The following ADGRV1 variants were observed in gnomAD, a reference collection of about 807,000 sequenced individuals.
The protein encoded by ADGRV1 is adhesion G protein-coupled receptor V1, also known as G-protein coupled receptor 98.
In ADGRV1, 359 loss-of-function variants were observed where a neutral mutation model predicts 596.2. The ratio of observed to expected loss-of-function variants is 0.60; its 90% confidence interval spans 0.55 to 0.66. The LOEUF (loss-of-function observed/expected upper bound fraction) is 0.66. Ranked by LOEUF, ADGRV1 falls within the 30% of genes least tolerant of loss-of-function variation. The pLI, the probability that ADGRV1 is intolerant of heterozygous loss-of-function variation, is 0.00. For missense variants in ADGRV1, 7,274 were observed against 7,575.6 expected (o/e 0.96, Z 1.48); for synonymous variants, 2,681 against 2,679.2 (o/e 1.00, Z -0.02).
At position 90,668,406 on chromosome 5, in the gene ADGRV1, G is replaced by A. The variant is rs532890367; in HGVS notation, c.4753-4140G>A. Reference sequence around the variant, plus strand: ...CGTCCGTCACCCCTTTCTTTGACTAGGAAAGGGAACTCCCTGACCCCTTGC... The same window carrying A: ...CGTCCGTCACCCCTTTCTTTGACTAAGAAAGGGAACTCCCTGACCCCTTGC... On this transcript the variant is annotated intron_variant, in intron 21 of 89. Transcript: ENST00000405460. Among the ~76,000 whole-genome samples the A allele has an allele frequency of 4.4e-4, 67 of 152,252 alleles. 1 individual carries two copies. The East Asian group carries it at 6.6e-3, about 15-fold the overall frequency.
rs140974208 is a variant in ADGRV1 at position 91,124,084 on chromosome 5, G to A, written c.18432+21744G>A. 7.1e-3 allele frequency among the ~76,000 whole-genome samples: 1,075 copies of A among 152,256 alleles called. 15 individuals are homozygous for A. The highest frequency in any genetic ancestry group is 0.025 in the African/African-American group (1,036 of 41,558). On this transcript the variant is annotated intron_variant, in intron 87 of 89. Transcript: ENST00000405460. ...AGCACGGGTAGAAGGAAGCCAGGGA[G>A]AGTCTCAGTGTCCGTCTTCAGTTGC... is the stretch of plus-strand genomic sequence containing the variant.
At position 91,090,273 on chromosome 5, in the gene ADGRV1, C is replaced by T. The variant is rs953461106; in HGVS notation, c.18311-11946C>T. Among the ~76,000 whole-genome samples the T allele has an allele frequency of 2.0e-5, 3 of 152,124 alleles. No homozygotes were observed. The South Asian group carries it at 6.2e-4, about 32-fold the overall frequency. On this transcript the variant is annotated intron_variant, in intron 86 of 89. Transcript: ENST00000405460. ...AGTACATGGTTCAAATAGAATTACT[C>T]TAATAATAGTTTTTGCGAGGTCTGT...
At position 90,736,157 on chromosome 5, in the gene ADGRV1, C is replaced by T. The variant is rs550472147; in HGVS notation, c.10549+6393C>T. Among the ~76,000 whole-genome samples, 5 of 152,036 alleles carry T rather than the reference C, an allele frequency of 3.3e-5. 1 individual carries two copies. The East Asian group carries it at 7.7e-4, about 23-fold the overall frequency. On this transcript the variant is annotated intron_variant, in intron 50 of 89. Transcript: ENST00000405460. ...TGTACTGAAGTACATTTCCTCTATA[C>T]CTATTATTTTGAGAGCTTTTATCAT...
rs1309381633 is a variant in ADGRV1, at chr5:90,745,218, T to C, written c.10722T>C (p.His3574=). The C allele has an allele frequency of 6.2e-7, 1 of 1,610,690 alleles. No individual in the cohort carries two copies. The highest frequency in any genetic ancestry group is 1.3e-5 in the African/African-American group (1 of 74,902). ...NLIALVGAHS[H]IYELAYISSH... Reference sequence around the variant, plus strand: ...TAGCTCTAGTGGGAGCTCATTCACATATATATGAGCTAGCCTACATTTCCA... The same window carrying C: ...TAGCTCTAGTGGGAGCTCATTCACACATATATGAGCTAGCCTACATTTCCA... Residue 3574 remains histidine, a synonymous_variant, in exon 51 of 90, where the codon CAT becomes CAC. Transcript: ENST00000405460.
chr5:91,100,325 G>C (rs945199423), intron 86 of ADGRV1, among the ~76,000 whole-genome samples: 1 of 152,176 alleles, frequency 6.6e-6, no homozygotes, highest in South Asian at 2.1e-4. Flanking sequence ...GGGAGGCTGA[G>C]AGGTGGCAGG....
At position 90,653,798 on chromosome 5, in the gene ADGRV1, A is replaced by G. The variant is rs1341700022; in HGVS notation, c.4224A>G (p.Thr1408=). ...ATAAAACCTTGGGTTCCAATGCTAC[A>G]TACATTGCCAAGACAACAGTCATGA... ...LHYKTLGSNA[T]YIAKTTVMKY... is the part of the protein sequence containing the mutation. The change falls in exon 20 of 90, where the codon ACA becomes ACG. Residue 1408 remains threonine (T), a synonymous_variant. Transcript: ENST00000405460. 1 of 1,613,438 alleles carries G rather than the reference A, an allele frequency of 6.2e-7. No homozygotes were observed. The highest frequency in any genetic ancestry group is 8.5e-7 in the Non-Finnish European group (1 of 1,179,724).
chr5:90,862,220 C>T (rs1053583480), intron 82 of ADGRV1, among the ~76,000 whole-genome samples: 2 of 152,164 alleles, frequency 1.3e-5, no homozygotes, highest in African/African-American at 4.8e-5. Flanking sequence ...GTGTATGTCT[C>T]CTTGCTGAGC....
chr5:91,141,982 A>C (rs1795138097), intron 87 of ADGRV1, among the ~76,000 whole-genome samples: 1 of 152,240 alleles, frequency 6.6e-6, no homozygotes, highest in Admixed American at 6.5e-5. Flanking sequence ...ACACCAACCC[A>C]GAAAAGCATT....
rs1172149120 is a variant in ADGRV1 at position 91,145,403 on chromosome 5, A to G, written c.18433-4627A>G. 2.0e-5 allele frequency among the ~76,000 whole-genome samples: 3 copies of G among 152,380 alleles called. No homozygotes were observed. In the East Asian group the frequency reaches 5.8e-4, roughly 29 times the overall value. ...CTTCACAACACTGAGAGAAATCCTGAAATAAATCAGTAACGTTTGCACAAT... is the reference window on the plus strand; with the variant it reads ...CTTCACAACACTGAGAGAAATCCTGGAATAAATCAGTAACGTTTGCACAAT... On this transcript the variant is annotated intron_variant, in intron 87 of 89. Transcript: ENST00000405460.
chr5:90,613,729 A>G (rs1762994736), intron 1 of ADGRV1, among the ~76,000 whole-genome samples: 1 of 152,118 alleles, frequency 6.6e-6, no homozygotes, highest in African/African-American at 2.4e-5. Context: ...CTCAGACTGC[A>G]TTGTCTGTAT....
chr5:90,873,931 C>G (rs1203227800), intron 83 of ADGRV1, among the ~76,000 whole-genome samples: 1 of 152,164 alleles, frequency 6.6e-6, no homozygotes, highest in Admixed American at 6.5e-5. Flanking sequence ...CCTAAGCCAC[C>G]TTTCTTCTTT....
chr5:90,763,273 TTG>T (rs1554107504), intron 58 of ADGRV1, 30 bp from the exon 59 acceptor site: 2 of 1,440,360 alleles, frequency 1.4e-6, no homozygotes, highest in Non-Finnish European at 1.8e-6. Context: ...GTTTTTTTTT[TTG>T]TTTGGCCTTA....
intron 87 of ADGRV1, among the ~76,000 whole-genome samples, chr5:91,126,860 G>C (rs1793803270): frequency 6.6e-6 from 1 of 152,108 alleles, no homozygotes; most frequent in South Asian, 2.1e-4. Flanking sequence ...GATATGCCTG[G>C]TGTTTGAATG....
intron 85 of ADGRV1, among the ~76,000 whole-genome samples, chr5:90,986,063 T>G (rs1780469032): frequency 6.9e-6 from 1 of 144,256 alleles, no homozygotes; most frequent in Non-Finnish European, 1.5e-5. Context: ...CACTTTTTTA[T>G]GTACATATGC....
At chr5:90,882,183 T>C (rs530406362) in intron 83 of ADGRV1, among the ~76,000 whole-genome samples, 1 of 152,342 alleles carries the variant, frequency 6.6e-6, no homozygotes, top group South Asian at 2.1e-4. Context: ...AGATTTTAGA[T>C]TGAAGTTGAT....
intron 1 of ADGRV1, among the ~76,000 whole-genome samples, chr5:90,598,168 T>A (rs1760944408): frequency 6.6e-6 from 1 of 152,230 alleles, no homozygotes; most frequent in Admixed American, 6.5e-5. Context: ...TTTAAATGCC[T>A]TGATTTTCGT....
chr5:91,093,738 G>A (rs1169564875), intron 86 of ADGRV1, among the ~76,000 whole-genome samples: 1 of 152,106 alleles, frequency 6.6e-6, no homozygotes, highest in Non-Finnish European at 1.5e-5. Flanking sequence ...TTTATGATAT[G>A]GGAGGCAGTT....
At chr5:90,975,383 T>C (rs1345748503) in intron 84 of ADGRV1, among the ~76,000 whole-genome samples, 1 of 152,168 alleles carries the variant, frequency 6.6e-6, no homozygotes, top group Non-Finnish European at 1.5e-5. Context: ...ATCATGCTGC[T>C]ATAAAGACAC....
chr5:90,577,294 A>G (rs956128116), intron 1 of ADGRV1, among the ~76,000 whole-genome samples: 4 of 152,168 alleles, frequency 2.6e-5, no homozygotes, highest in Admixed American at 6.6e-5. Flanking sequence ...ATTTTTGTAT[A>G]AGGTACAAGG....
Sources: allele counts gnomAD v4.1 joint callset (sites outside exome capture counted in the v4.1 genomes callset), GRCh38; gene constraint gnomAD v4.1.1; transcripts MANE v1.5; gene names NCBI Gene and HGNC (gene_info 2026-07-23, HGNC 2026-07-21).